Variants in ANO1 observed in about 807,000 individuals in gnomAD.
ANO1 encodes anoctamin-1.
ANO1 carries 59 observed loss-of-function variants against 124.0 expected under a neutral mutation model. The ratio of observed to expected loss-of-function variants is 0.48; its 90% CI spans 0.39 to 0.59. The LOEUF is 0.59. Among genes scored for constraint, ANO1 ranks in the 20% least tolerant of loss-of-function variants. The pLI, the probability that ANO1 is intolerant of heterozygous loss-of-function variation, is 0.00. For missense variants in ANO1, 1,059 were observed against 1,328.0 expected, an observed-to-expected ratio of 0.80 and a Z score of 3.15; for synonymous variants, 529 against 532.0, an observed-to-expected ratio of 0.99 and a Z score of 0.08.
At chr11:70,016,992 C>T (rs1289157659) in intron 1 of ANO1, among the ~76,000 whole-genome samples, 4 of 152,226 alleles carry the variant, frequency 2.6e-5, no homozygotes, top group East Asian at 1.9e-4. Flanking sequence ...TTTCTTTTCC[C>T]GGTCTTTCTT....
intron 1 of ANO1, among the ~76,000 whole-genome samples, chr11:70,042,018 G>C (rs1362031197): frequency 2.0e-5 from 3 of 152,030 alleles, no homozygotes; most frequent in African/African-American, 7.3e-5. Flanking sequence ...CTGATACCTG[G>C]GCTGAGGTAG....
In ANO1 at chr11:70,161,207, T is replaced by C; in HGVS notation, c.1625T>C (p.Ile542Thr). The change falls in exon 17 of 26, where the codon ATC becomes ACC. Residue 542 changes from isoleucine to threonine, a missense_variant. Physicochemically the swap from Ile to Thr is moderately conservative, Grantham distance 89. Coordinates refer to ENST00000355303, the MANE Select transcript of ANO1 (RefSeq NM_018043.7). ...GTCCTCGGCGTCATCATCTACAGAATCTCCATGGCCGCCGCCTTGGCCATG... is the reference window on the plus strand; with the variant it reads ...GTCCTCGGCGTCATCATCTACAGAACCTCCATGGCCGCCGCCTTGGCCATG... ...AIVLGVIIYR[I>T]SMAAALAMNS... 1.2e-6 allele frequency: 2 copies of C among 1,613,820 alleles called. No individual in the cohort carries two copies. Among genetic ancestry groups the C allele is most frequent in the African/African-American group, 2.7e-5 (2 of 75,022 alleles).
rs189887789 is a variant in ANO1, at chr11:70,146,618, A to G, written c.1259-3092A>G. On this transcript the variant is annotated intron_variant, in intron 11 of 25. Coordinates refer to ENST00000355303, the MANE Select transcript of ANO1 (RefSeq NM_018043.7). Reference sequence around the variant, plus strand: ...GACTACTCACATGATCACAAGGTCAAGCCCCACAATAGGCTGTCTGCAAGT... The same window carrying G: ...GACTACTCACATGATCACAAGGTCAGGCCCCACAATAGGCTGTCTGCAAGT... 1.5e-3 allele frequency among the ~76,000 whole-genome samples: 232 copies of G among 152,304 alleles called. 1 individual carries two copies. The highest frequency in any genetic ancestry group is 5.4e-3 in the African/African-American group (223 of 41,564).
At chr11:70,088,272 G>A (rs1008474772) in intron 2 of ANO1, among the ~76,000 whole-genome samples, 188 bp downstream of exon 2, 1 of 152,110 alleles carries the variant, frequency 6.6e-6, no homozygotes, top group African/African-American at 2.4e-5. Flanking sequence ...AGCACTTCGG[G>A]AGGCTGAGGG....
intron 14 of ANO1, among the ~76,000 whole-genome samples, chr11:70,154,318 G>T (rs1482717011): frequency 6.6e-6 from 1 of 152,104 alleles, no homozygotes; most frequent in African/African-American, 2.4e-5. Context: ...GGTCCAAAGT[G>T]GCCGGGGGTT....
chr11:70,025,975 CGAT>C (rs1417882120), intron 1 of ANO1, among the ~76,000 whole-genome samples: 8 of 44,486 alleles, frequency 1.8e-4, no homozygotes, highest in Admixed American at 1.6e-3. Context: ...ATGATGGTGA[CGAT>C]GGTGGTAGTG....
chr11:70,122,938 C>T (rs1019645943), intron 8 of ANO1, among the ~76,000 whole-genome samples: 4 of 152,200 alleles, frequency 2.6e-5, no homozygotes, highest in African/African-American at 4.8e-5. Context: ...GTTTGCTGGC[C>T]GAGGCTTCCC....
chr11:70,178,483 C>T (rs368284403), intron 22 of ANO1, among the ~76,000 whole-genome samples: 119 of 152,282 alleles, frequency 7.8e-4, no homozygotes, highest in African/African-American at 2.8e-3. Context: ...CCCCATGGCC[C>T]GAGGACTGGA....
chr11:70,078,046 G>A (rs1018600162), upstream of ANO1, among the ~76,000 whole-genome samples: 1 of 152,088 alleles, frequency 6.6e-6, no homozygotes, highest in Non-Finnish European at 1.5e-5. Flanking sequence ...GGAGGCGGAG[G>A]TGACGCGCCA....
At chr11:70,149,916 G>A in intron 12 of ANO1, 124 bp downstream of exon 12, 1 of 1,071,260 alleles carries the variant, frequency 9.3e-7, no homozygotes, top group South Asian at 1.3e-5. Context: ...CTGAGGCAAG[G>A]CCGCCCCCCA....
the ANO1 span, among the ~76,000 whole-genome samples, chr11:69,971,819 T>G: frequency 6.6e-6 from 1 of 152,162 alleles, no homozygotes; most frequent in Admixed American, 6.5e-5. Flanking sequence ...CCTTCACGAC[T>G]GCCGGAAAGG....
chr11:70,138,444 C>T (rs189064539), intron 11 of ANO1, among the ~76,000 whole-genome samples: 168 of 142,686 alleles, frequency 1.2e-3, no homozygotes, highest in African/African-American at 3.9e-3. Context: ...AGGCAGAGGT[C>T]GCAGTGAGCC....
intron 2 of ANO1, among the ~76,000 whole-genome samples, chr11:70,098,083 G>T (rs891849585): frequency 2.6e-5 from 4 of 152,218 alleles, no homozygotes; most frequent in African/African-American, 9.6e-5. Flanking sequence ...AAGGCTCCTG[G>T]TGTCTGCCCC....
intron 1 of ANO1, among the ~76,000 whole-genome samples, chr11:70,019,472 C>T (rs915935470): frequency 2.6e-5 from 4 of 152,158 alleles, no homozygotes; most frequent in African/African-American, 9.7e-5. Flanking sequence ...AGGTTTTCCC[C>T]CAGTGCCCCT....
chr11:69,988,110 G>A (rs1288075318), intron 1 of ANO1, among the ~76,000 whole-genome samples: 1 of 152,232 alleles, frequency 6.6e-6, no homozygotes, highest in Non-Finnish European at 1.5e-5. Flanking sequence ...TCCATGGGAA[G>A]CCTCACAGCA....
intron 8 of ANO1, among the ~76,000 whole-genome samples, chr11:70,118,781 TG>T (rs1427380917): frequency 1.3e-5 from 2 of 150,382 alleles, no homozygotes; most frequent in East Asian, 2.0e-4. Context: ...GGTAGGTGTG[TG>T]GGTGGATGGA....
At chr11:70,027,944 G>A (rs139114434) in intron 1 of ANO1, among the ~76,000 whole-genome samples, 1 of 152,278 alleles carries the variant, frequency 6.6e-6, no homozygotes, top group Non-Finnish European at 1.5e-5. Context: ...TAAGTCATCT[G>A]GGTTTTGGGT....
At chr11:69,983,666 A>G (rs541735006), upstream of ANO1, among the ~76,000 whole-genome samples, 1 of 152,306 alleles carries the variant, frequency 6.6e-6, no homozygotes, top group South Asian at 2.1e-4. Flanking sequence ...ACGTGATGCC[A>G]CTTACCAAAA....
intron 1 of ANO1, among the ~76,000 whole-genome samples, chr11:70,010,861 C>T (rs550974098): frequency 3.3e-5 from 5 of 152,338 alleles, no homozygotes; most frequent in Admixed American, 2.0e-4. Flanking sequence ...GATTCTCCTC[C>T]CCTTCTCTGT....
Sources: allele counts gnomAD v4.1 joint callset (sites outside exome capture counted in the v4.1 genomes callset), GRCh38; gene constraint gnomAD v4.1.1; transcripts MANE v1.5; gene names NCBI Gene and HGNC (gene_info 2026-07-23, HGNC 2026-07-21).